Variants in CCDC83 observed in about 807,000 individuals in gnomAD.
The protein encoded by CCDC83 is coiled-coil domain-containing protein 83.
CCDC83 carries 54 observed loss-of-function variants against 50.1 expected under a neutral mutation model. The observed-to-expected ratio is 1.08, with a 90% CI of 0.87 to 1.35. The LOEUF (loss-of-function observed/expected upper bound fraction) is 1.35. Ranked by LOEUF, CCDC83 falls within the 40% of genes most tolerant of loss-of-function variation. CCDC83 has a pLI of 0.00. For synonymous variants in CCDC83, 161 were observed against 153.3 expected, an observed-to-expected ratio of 1.05 and a Z score of -0.37; for missense variants, 518 against 473.9, an observed-to-expected ratio of 1.09 and a Z score of -0.86.
At chr11:85,893,059 T>TTC (rs1339999565) in intron 5 of CCDC83, among the ~76,000 whole-genome samples, 1 of 151,730 alleles carries the variant, frequency 6.6e-6, no homozygotes, top group Non-Finnish European at 1.5e-5. Flanking sequence ...AACTCTCCCT[T>TTC]TCTCTCTCTC....
At chr11:85,863,632 G>A (rs1273990964) in intron 1 of CCDC83, among the ~76,000 whole-genome samples, 1 of 152,208 alleles carries the variant, frequency 6.6e-6, no homozygotes, top group African/African-American at 2.4e-5. Context: ...CATGTCTACA[G>A]AGAAAAAGCG....
intron 5 of CCDC83, among the ~76,000 whole-genome samples, chr11:85,894,086 G>C (rs79009000): frequency 3.3e-5 from 5 of 152,082 alleles, no homozygotes; most frequent in African/African-American, 1.2e-4. Context: ...AAGTGCATAT[G>C]TAATGCACTT....
intron 8 of CCDC83, among the ~76,000 whole-genome samples, chr11:85,912,384 G>T (rs1300440736): frequency 6.6e-6 from 1 of 152,180 alleles, no homozygotes; most frequent in Non-Finnish European, 1.5e-5. Context: ...ATGGGTGTCA[G>T]GATACAAGAT....
chr11:85,865,077 A>C lies in CCDC83; in HGVS notation c.-28-19A>C, dbSNP rs201205802. The C allele has an allele frequency of 2.2e-5, 28 of 1,283,618 alleles. No homozygotes were observed. The East Asian group carries it at 6.5e-4, about 30-fold the overall frequency. The allele number at this position is 1,283,618 out of a possible 1,614,324, so 79.5% of individuals were successfully genotyped here. On this transcript the variant is annotated intron_variant, in intron 1 of 10. Coordinates refer to ENST00000342404, the MANE Select transcript of CCDC83 (RefSeq NM_001286159.2). ...CAAAGATGGAATTTTTCACTTTCGT[A>C]TGTCTCCTTTCTAAACAGGTATATT...
At chr11:85,873,679 A>C (rs1445505) in intron 3 of CCDC83, among the ~76,000 whole-genome samples, 4 of 152,106 alleles carry the variant, frequency 2.6e-5, no homozygotes, top group Admixed American at 6.5e-5. Flanking sequence ...GAGTATGCGT[A>C]TGTAAATACC....
chr11:85,856,266 T>C (rs910417731), intron 1 of CCDC83, among the ~76,000 whole-genome samples: 4 of 151,906 alleles, frequency 2.6e-5, no homozygotes, highest in Non-Finnish European at 4.4e-5. Context: ...TATCAGTCTA[T>C]GTGATAATTG....
intron 7 of CCDC83, among the ~76,000 whole-genome samples, chr11:85,901,299 A>T (rs2093400563): frequency 2.0e-5 from 3 of 152,172 alleles, no homozygotes; most frequent in Admixed American, 2.0e-4. Context: ...TAGACCAGGC[A>T]TGGTGGCCCA....
chr11:85,902,060 G>C (rs531543681), intron 7 of CCDC83, among the ~76,000 whole-genome samples: 1 of 151,828 alleles, frequency 6.6e-6, no homozygotes, highest in South Asian at 2.1e-4. Context: ...GGCAAATAGA[G>C]GGAAGGGAAT....
intron 9 of CCDC83, 22 bp from the exon 10 acceptor site, chr11:85,916,006 A>C: frequency 1.3e-6 from 2 of 1,482,308 alleles, no homozygotes; most frequent in Non-Finnish European, 9.4e-7. Context: ...ATACATAATT[A>C]ATTCCTTTGT....
At chr11:85,858,581 C>T (rs948623274) in intron 1 of CCDC83, among the ~76,000 whole-genome samples, 10 of 152,198 alleles carry the variant, frequency 6.6e-5, no homozygotes, top group South Asian at 4.1e-4. Flanking sequence ...GAGGCCCCTC[C>T]TCAAGCCTTG....
At chr11:85,862,357 G>A (rs906984094) in intron 1 of CCDC83, among the ~76,000 whole-genome samples, 2 of 152,114 alleles carry the variant, frequency 1.3e-5, no homozygotes, top group South Asian at 2.1e-4. Flanking sequence ...AGACACAGTC[G>A]GGAGAGGAAA....
intron 10 of CCDC83, chr11:85,916,637 C>T (rs1051762387): frequency 4.7e-6 from 1 of 213,494 alleles, no homozygotes; most frequent in Non-Finnish European, 9.2e-6. Context: ...CTGCACTCAT[C>T]TGAAGGCTTG....
chr11:85,879,895 C>T (rs551532224), intron 3 of CCDC83, among the ~76,000 whole-genome samples: 6 of 152,288 alleles, frequency 3.9e-5, no homozygotes, highest in Non-Finnish European at 7.4e-5. Context: ...GAATTACAGG[C>T]GTGAGCCACC....
intron 2 of CCDC83, among the ~76,000 whole-genome samples, chr11:85,870,915 CT>C (rs1344347284): frequency 6.6e-6 from 1 of 152,166 alleles, no homozygotes; most frequent in African/African-American, 2.4e-5. Context: ...GCCTATAATC[CT>C]AGCACTTCGG....
At chr11:85,886,136 C>A (rs2093325602) in intron 4 of CCDC83, 64 bp from the exon 5 acceptor site, 4 of 1,282,112 alleles carry the variant, frequency 3.1e-6, no homozygotes, top group Non-Finnish European at 4.1e-6. Flanking sequence ...TTCTTAAAAC[C>A]AGATTGCAAC....
At chr11:85,867,466 A>C (rs1248292880) in intron 2 of CCDC83, among the ~76,000 whole-genome samples, 1 of 152,232 alleles carries the variant, frequency 6.6e-6, no homozygotes, top group African/African-American at 2.4e-5. Flanking sequence ...TATTCGTATG[A>C]ACTTTTTAGG....
At chr11:85,872,476 T>G (rs1477751886) in intron 2 of CCDC83, among the ~76,000 whole-genome samples, 2 of 151,584 alleles carry the variant, frequency 1.3e-5, no homozygotes, top group African/African-American at 4.9e-5. Flanking sequence ...CAGAGCGAGA[T>G]TCCATCTCAA....
intron 10 of CCDC83, chr11:85,918,019 T>C (rs1194843730): frequency 6.6e-6 from 1 of 152,228 alleles, no homozygotes; most frequent in African/African-American, 2.4e-5. Context: ...AACTTGCTTT[T>C]CTACTATCTT....
chr11:85,873,533 G>A (rs1259588948), intron 3 of CCDC83, among the ~76,000 whole-genome samples: 1 of 152,174 alleles, frequency 6.6e-6, no homozygotes, highest in Non-Finnish European at 1.5e-5. Context: ...TTTAGACCCT[G>A]AAGACACTGA....
Sources: allele counts gnomAD v4.1 joint callset (sites outside exome capture counted in the v4.1 genomes callset), GRCh38; gene constraint gnomAD v4.1.1; transcripts MANE v1.5; gene names NCBI Gene and HGNC (gene_info 2026-07-23, HGNC 2026-07-21).